AGAP1: variants seen among roughly 807,000 people sequenced by gnomAD.
AGAP1 encodes the protein arf-GAP with GTPase, ANK repeat and PH domain-containing protein 1.
In AGAP1, 29 loss-of-function variants were observed where a neutral mutation model predicts 105.3. That is an observed-to-expected ratio of 0.28 (90% CI 0.21 to 0.38). AGAP1 has a LOEUF of 0.38. Among genes scored for constraint, AGAP1 ranks in the 10% least tolerant of loss-of-function variants. The probability of loss-of-function intolerance (pLI) is 1.00; values close to 1 mark genes in which losing one functional copy is unlikely to be tolerated. For missense variants in AGAP1, 998 were observed against 1,165.1 expected, an observed-to-expected ratio of 0.86 and a Z score of 2.09; for synonymous variants, 509 against 485.9, an observed-to-expected ratio of 1.05 and a Z score of -0.63.
Position 235,744,751 on chromosome 2 carries a change from A to C in AGAP1, c.450A>C (p.Ile150=), listed in dbSNP as rs769867020. 8 of 1,613,834 alleles carry C rather than the reference A, an allele frequency of 5.0e-6. No homozygotes were observed. In the South Asian group the frequency reaches 8.8e-5, roughly 18 times the overall value. The change falls in exon 5 of 18, where the codon ATA becomes ATC. Residue 150 remains isoleucine, a synonymous_variant. Coordinates refer to ENST00000304032, the MANE Select transcript of AGAP1 (RefSeq NM_001037131.3). This position sits in a 1 kb window ranked among gnomAD's most constrained non-coding sequence, Gnocchi z 5.2. ...TTGTCTTCAGCTTGGAGGATGAAAT[A>C]AGTTTCCAGACCGTTTACCACTACT... is the stretch of plus-strand genomic sequence containing the variant. ...VIFVFSLEDE[I]SFQTVYHYYS...
In AGAP1 at chr2:235,877,927, C is replaced by A. The variant is rs1402278065; in HGVS notation, c.1051-5418C>A. Among the ~76,000 whole-genome samples the A allele has an allele frequency of 6.6e-6, 1 of 152,202 alleles. No individual in the cohort carries two copies. Among genetic ancestry groups the A allele is most frequent in the Non-Finnish European group, 1.5e-5 (1 of 68,042 alleles). ...CAGGGGAATCTTTCCTAATGCAAAT[C>A]AGATAACCCCTTCCTCCCTCCACCC... is the stretch of plus-strand genomic sequence containing the variant. On this transcript the variant is annotated intron_variant, in intron 9 of 17. Coordinates refer to ENST00000304032, the MANE Select transcript of AGAP1 (RefSeq NM_001037131.3). The surrounding 1 kb of genome is among the most constrained non-coding windows in gnomAD (Gnocchi z 4.3).
chr2:236,077,138 A>AC (rs1176952323), intron 16 of AGAP1, among the ~76,000 whole-genome samples: 1 of 139,236 alleles, frequency 7.2e-6, no homozygotes, highest in Non-Finnish European at 1.5e-5. Context: ...AAAAAAAAAA[A>AC]AAAAATATAT....
At position 235,958,998 on chromosome 2, in the gene AGAP1, C is replaced by A. The variant is rs192550203; in HGVS notation, c.1484-9464C>A. ...CCGATTGGGAAGAACTAATGGCTGA[C>A]ATTGAATGTGCGGGATGGTGCCGGC... On this transcript the variant is annotated intron_variant, in intron 12 of 17. Coordinates refer to ENST00000304032, the MANE Select transcript of AGAP1 (RefSeq NM_001037131.3). This position sits in a 1 kb window ranked among gnomAD's most constrained non-coding sequence, Gnocchi z 4.1. Among the ~76,000 whole-genome samples the A allele has an allele frequency of 5.9e-5, 9 of 152,312 alleles. No homozygotes were observed. The highest frequency in any genetic ancestry group is 2.0e-4 in the Admixed American group (3 of 15,312).
chr2:235,925,826 T>C (rs989850431), intron 11 of AGAP1, among the ~76,000 whole-genome samples: 3 of 152,180 alleles, frequency 2.0e-5, no homozygotes, highest in Non-Finnish European at 4.4e-5. Context: ...ACTTGTATCC[T>C]AGCTTGTCTT....
rs999278408 is a variant in AGAP1 at position 235,788,624 on chromosome 2, C to T, written c.674-9135C>T. ...CCATCGGTGTCGTCAGTGCACATCCCGGTGCTTGGAACTGACTGGTGGGCG... is the reference window on the plus strand; with the variant it reads ...CCATCGGTGTCGTCAGTGCACATCCTGGTGCTTGGAACTGACTGGTGGGCG... On this transcript the variant is annotated intron_variant, in intron 6 of 17. Coordinates refer to ENST00000304032, the MANE Select transcript of AGAP1 (RefSeq NM_001037131.3). The surrounding 1 kb of genome is among the most constrained non-coding windows in gnomAD (Gnocchi z 6.0). 2.6e-5 allele frequency among the ~76,000 whole-genome samples: 4 copies of T among 151,918 alleles called. No individual in the cohort carries two copies. The highest frequency in any genetic ancestry group is 6.6e-5 in the Admixed American group (1 of 15,252).
chr2:235,630,988 G>A (rs190378124), intron 1 of AGAP1, among the ~76,000 whole-genome samples: 1,538 of 152,284 alleles, frequency 0.01, 9 homozygotes, highest in Non-Finnish European at 0.015. Flanking sequence ...AGCATATTGT[G>A]AACACATTCT....
At chr2:236,043,837 A>G (rs576179926) in intron 15 of AGAP1, among the ~76,000 whole-genome samples, 1 of 152,306 alleles carries the variant, frequency 6.6e-6, no homozygotes, top group African/African-American at 2.4e-5. Flanking sequence ...GAGTATTTAC[A>G]GGTATTTAGA....
chr2:235,717,719 A>C, intron 3 of AGAP1, 75 bp downstream of exon 3: 1 of 1,210,882 alleles, frequency 8.3e-7, no homozygotes, highest in South Asian at 1.4e-5. Context: ...ATTATAAATC[A>C]TGACTTTGAT....
Position 236,076,810 on chromosome 2 carries a change from A to G in AGAP1, c.2114+27529A>G, listed in dbSNP as rs1199734003. On this transcript the variant is annotated intron_variant, in intron 16 of 17. Transcript: ENST00000304032. The surrounding 1 kb of genome is among the most constrained non-coding windows in gnomAD (Gnocchi z 4.4). The stretch of plus-strand genomic sequence containing the variant: ...ATTTTGGGAAGTGACTGTATCCTAC[A>G]GAGTAGAAAAATAGTCCCAGCACAG... Among the ~76,000 whole-genome samples, 1 of 152,020 alleles carries G rather than the reference A, an allele frequency of 6.6e-6. No individual in the cohort carries two copies. The highest frequency in any genetic ancestry group is 1.5e-5 in the Non-Finnish European group (1 of 68,010).
Position 235,733,713 on chromosome 2 carries a change from C to T in AGAP1, c.311-7250C>T, listed in dbSNP as rs1952079483. On this transcript the variant is annotated intron_variant, in intron 3 of 17. Transcript: ENST00000304032. The surrounding 1 kb of genome is among the most constrained non-coding windows in gnomAD (Gnocchi z 5.0). ...CCAAGGAAATCGTGTTAAGTGCTCACTTCACTGCGGGTCAGAACCCCGGAG... is the reference window on the plus strand; with the variant it reads ...CCAAGGAAATCGTGTTAAGTGCTCATTTCACTGCGGGTCAGAACCCCGGAG... 6.6e-6 allele frequency among the ~76,000 whole-genome samples: 1 copy of T among 152,176 alleles called. No individual in the cohort carries two copies. Among genetic ancestry groups the T allele is most frequent in the African/African-American group, 2.4e-5 (1 of 41,428 alleles).
chr2:235,498,198 AT>A (rs1941405191), intron 1 of AGAP1, among the ~76,000 whole-genome samples: 2 of 152,220 alleles, frequency 1.3e-5, no homozygotes, highest in Admixed American at 1.3e-4. Flanking sequence ...GTTTGTAGGC[AT>A]GGGATACAGG....
chr2:236,011,398 T>C (rs1313392493), intron 13 of AGAP1, among the ~76,000 whole-genome samples: 1 of 152,240 alleles, frequency 6.6e-6, no homozygotes, highest in Non-Finnish European at 1.5e-5. Context: ...GAAATTATAC[T>C]TGTGGGATTT....
At chr2:235,952,240 T>A (rs2053768734) in intron 12 of AGAP1, among the ~76,000 whole-genome samples, 1 of 151,208 alleles carries the variant, frequency 6.6e-6, no homozygotes, top group Non-Finnish European at 1.5e-5. Context: ...AGAATCTACA[T>A]AAAATATGCA....
intron 9 of AGAP1, among the ~76,000 whole-genome samples, chr2:235,880,327 C>T (rs1474501616): frequency 2.6e-5 from 4 of 152,028 alleles, no homozygotes. Context: ...CGAGGGTGTG[C>T]GCCGTGGCCA....
At chr2:235,990,295 C>T (rs2055505816) in intron 13 of AGAP1, among the ~76,000 whole-genome samples, 1 of 152,186 alleles carries the variant, frequency 6.6e-6, no homozygotes, top group South Asian at 2.1e-4. Flanking sequence ...CCCCTGTGTC[C>T]AGCCGCACCT....
chr2:236,033,748 A>G lies in AGAP1; in HGVS notation c.1646-2813A>G, dbSNP rs2057296452. ...CACAGTGACCGAGCCCTGCACCCATACAGTGTAATACAAGCTCAGCTCTTA... is the reference window on the plus strand; with the variant it reads ...CACAGTGACCGAGCCCTGCACCCATGCAGTGTAATACAAGCTCAGCTCTTA... On this transcript the variant is annotated intron_variant, in intron 13 of 17. Transcript: ENST00000304032. Among the ~76,000 whole-genome samples, 4 of 152,324 alleles carry G rather than the reference A, an allele frequency of 2.6e-5. No homozygotes were observed. The South Asian group carries it at 8.3e-4, about 32-fold the overall frequency.
chr2:235,512,095 G>GTGAGTA (rs1553555067), intron 1 of AGAP1, among the ~76,000 whole-genome samples: 16 of 143,536 alleles, frequency 1.1e-4, no homozygotes, highest in Admixed American at 2.7e-4. Context: ...GTGAATGTGT[G>GTGAGTA]TGTGTGTGAA....
chr2:236,065,890 T>G (rs1302759905), intron 16 of AGAP1, among the ~76,000 whole-genome samples: 1 of 152,218 alleles, frequency 6.6e-6, no homozygotes, highest in Non-Finnish European at 1.5e-5. Context: ...CTTGCATCAT[T>G]AAACGTGACA....
intron 12 of AGAP1, among the ~76,000 whole-genome samples, chr2:235,932,922 G>T (rs539226864): frequency 6.6e-6 from 1 of 152,184 alleles, no homozygotes; most frequent in African/African-American, 2.4e-5. Context: ...AGTCGCCTAC[G>T]TTTGAATGCC....
Sources: allele counts gnomAD v4.1 joint callset (sites outside exome capture counted in the v4.1 genomes callset), GRCh38; gene constraint gnomAD v4.1.1; non-coding constraint Gnocchi (gnomAD v3.1); transcripts MANE v1.5; gene names NCBI Gene and HGNC (gene_info 2026-07-23, HGNC 2026-07-21).